Variants in KCNAB2 observed in about 807,000 individuals in gnomAD.
KCNAB2 encodes voltage-gated potassium channel subunit beta-2.
Under a neutral mutation model 63.6 loss-of-function variants are expected in KCNAB2, and 29 were observed. The ratio of observed to expected loss-of-function variants is 0.46; its 90% CI spans 0.34 to 0.62. KCNAB2 has a LOEUF of 0.62. Ranked by LOEUF, KCNAB2 falls within the 20% of genes least tolerant of loss-of-function variation. The pLI, the probability that KCNAB2 is intolerant of heterozygous loss-of-function variation, is 0.01. For missense variants in KCNAB2, 359 were observed against 563.9 expected, an observed-to-expected ratio of 0.64 and a Z score of 3.68; for synonymous variants, 222 against 224.2, an observed-to-expected ratio of 0.99 and a Z score of 0.09.
rs2100799799 is a variant in KCNAB2, at chr1:6,097,345, T to C, written c.1146T>C (p.Ile382=). The C allele has an allele frequency of 6.4e-7, 1 of 1,552,252 alleles. No individual in the cohort carries two copies. The change falls in exon 15 of 16, where the codon ATT becomes ATC. Residue 382 remains isoleucine, a synonymous_variant. Transcript: ENST00000378083. ...ASNADQLMEN[I]GAIQVLPKLS... is the part of the protein sequence containing the mutation. Reference sequence around the variant, plus strand: ...ATGCGGACCAGCTCATGGAGAACATTGGGGCAATACAGGTAAGAGTGAGAG... The same window carrying C: ...ATGCGGACCAGCTCATGGAGAACATCGGGGCAATACAGGTAAGAGTGAGAG...
intron 6 of KCNAB2, 103 bp downstream of exon 6, chr1:6,085,351 G>A: frequency 1.1e-6 from 1 of 944,886 alleles, no homozygotes; most frequent in Non-Finnish European, 1.7e-6. Flanking sequence ...AGGCCCGCAA[G>A]TCCCCACATC....
At chr1:6,040,177 A>C (rs531155912) in intron 1 of KCNAB2, among the ~76,000 whole-genome samples, 95 of 152,348 alleles carry the variant, frequency 6.2e-4, no homozygotes, top group African/African-American at 2.2e-3. Context: ...CTTCTGCACC[A>C]TGTGGGCAGC....
chr1:5,993,503 C>T (rs924041399), intron 1 of KCNAB2, among the ~76,000 whole-genome samples: 2 of 152,196 alleles, frequency 1.3e-5, no homozygotes, highest in Admixed American at 6.5e-5. Flanking sequence ...AAAGCACTTC[C>T]GCACCTCCCT....
At chr1:6,041,564 CAG>C (rs1660500288), upstream of KCNAB2, 2 of 512,380 alleles carry the variant, frequency 3.9e-6, no homozygotes, top group Non-Finnish European at 7.0e-6. Context: ...CCACGGAAAA[CAG>C]GGCCTGGCAT....
At chr1:6,001,338 AACAC>A (rs1471752208) in intron 1 of KCNAB2, among the ~76,000 whole-genome samples, 1 of 149,730 alleles carries the variant, frequency 6.7e-6, no homozygotes, top group African/African-American at 2.5e-5. Context: ...ACACTCTCCC[AACAC>A]ACACACAGAC....
intron 2 of KCNAB2, among the ~76,000 whole-genome samples, chr1:6,064,059 G>A (rs1662543367): frequency 6.6e-6 from 1 of 152,228 alleles, no homozygotes; most frequent in African/African-American, 2.4e-5. Context: ...GGGATCCGAT[G>A]TTGCCAGCCT....
rs1660893272 is a variant in KCNAB2, at chr1:6,046,058, C to T, written c.-152C>T. On this transcript the variant is annotated 5_prime_UTR_variant, in exon 1 of 16. Coordinates refer to ENST00000378083, the MANE Select transcript of KCNAB2 (RefSeq NM_001199862.2). ...TGGGACTCATCTCATTCACCAATTG[C>T]TTCTGACGTCCTGCAGTGACACTCC... 1.0e-6 allele frequency: 1 copy of T among 985,460 alleles called. No individual in the cohort carries two copies. The highest frequency in any genetic ancestry group is 1.2e-6 in the Non-Finnish European group (1 of 829,922). 61.0% of individuals were successfully genotyped at this position (985,460 alleles called of 1,614,324 possible).
At chr1:6,010,741 A>G (rs1167234475) in intron 1 of KCNAB2, among the ~76,000 whole-genome samples, 3 of 152,188 alleles carry the variant, frequency 2.0e-5, no homozygotes, top group African/African-American at 7.2e-5. Context: ...CCCTTAGCTG[A>G]TGGGCAGGCT....
At chr1:6,097,699 G>A (rs570590624) in intron 15 of KCNAB2, 1 of 556,468 alleles carries the variant, frequency 1.8e-6, no homozygotes, top group Admixed American at 3.1e-5. Context: ...TGGTGCTTGA[G>A]CAGTCTTGAG....
intron 4 of KCNAB2, among the ~76,000 whole-genome samples, chr1:6,079,152 A>G (rs373715693): frequency 6.6e-6 from 1 of 152,186 alleles, no homozygotes; most frequent in Non-Finnish European, 1.5e-5. Context: ...ATGCTGCCGC[A>G]GGCTGCCCTC....
At chr1:6,068,334 G>A (rs1421930807) in intron 2 of KCNAB2, among the ~76,000 whole-genome samples, 1 of 152,228 alleles carries the variant, frequency 6.6e-6, no homozygotes, top group East Asian at 1.9e-4. Flanking sequence ...CAGTGAAGGG[G>A]GGTGTTCATC....
At chr1:6,097,217 A>C (rs1232945206) in intron 14 of KCNAB2, 52 bp from the exon 15 acceptor site, 2 of 1,497,098 alleles carry the variant, frequency 1.3e-6, no homozygotes, top group African/African-American at 1.4e-5. Context: ...CAGACCCATC[A>C]GGGGCCCCTG....
chr1:6,049,503 C>T (rs1333811187), intron 1 of KCNAB2, among the ~76,000 whole-genome samples: 2 of 152,186 alleles, frequency 1.3e-5, no homozygotes, highest in East Asian at 3.9e-4. Flanking sequence ...AAACGCAGCC[C>T]CCCCACCCCC....
Position 6,028,759 on chromosome 1 carries a change from C to T in KCNAB2, c.-52-11758C>T, listed in dbSNP as rs1454456795. 2.0e-5 allele frequency among the ~76,000 whole-genome samples: 3 copies of T among 152,206 alleles called. No homozygotes were observed. Among genetic ancestry groups the T allele is most frequent in the Non-Finnish European group, 4.4e-5 (3 of 68,012 alleles). On this transcript the variant is annotated intron_variant, in intron 1 of 16. Coordinates refer to the KCNAB2 transcript ENST00000341524. The surrounding 1 kb of genome is among the most constrained non-coding windows in gnomAD (Gnocchi z 4.0). ...ACCTCCAGGATGGCCTCCAGGGACC[C>T]CGCCTCCTGGTGGCCACTGTCCCCA...
chr1:6,032,243 C>T (rs1473107897), upstream of KCNAB2, among the ~76,000 whole-genome samples: 1 of 152,102 alleles, frequency 6.6e-6, no homozygotes, highest in African/African-American at 2.4e-5. Context: ...ATTCACACAG[C>T]CTTCAAGAAC....
chr1:6,075,738 A>C (rs1392857695), intron 4 of KCNAB2, among the ~76,000 whole-genome samples: 1 of 152,210 alleles, frequency 6.6e-6, no homozygotes, highest in African/African-American at 2.4e-5. Flanking sequence ...TACATATATG[A>C]AACATAAAAT....
intron 10 of KCNAB2, among the ~76,000 whole-genome samples, chr1:6,094,130 T>C (rs1273763560): frequency 6.6e-6 from 1 of 152,150 alleles, no homozygotes; most frequent in Non-Finnish European, 1.5e-5. Flanking sequence ...GGTCCATCCA[T>C]AACCCATTTT....
chr1:6,010,945 T>C (rs1658111547), intron 1 of KCNAB2, among the ~76,000 whole-genome samples: 2 of 152,180 alleles, frequency 1.3e-5, no homozygotes, highest in Admixed American at 6.5e-5. Context: ...AGCTCTTTCC[T>C]CCTTAGAATT....
At position 6,086,240 on chromosome 1, in the gene KCNAB2, C is replaced by T. The variant is rs1664684734; in HGVS notation, c.425+992C>T. The T allele has an allele frequency of 2.0e-6, 2 of 984,016 alleles. No homozygotes were observed. Among genetic ancestry groups the T allele is most frequent in the Non-Finnish European group, 2.4e-6 (2 of 828,840 alleles). The allele number at this position is 984,016 out of a possible 1,614,324, so 61.0% of individuals were successfully genotyped here. A position where few individuals can be genotyped will look rare whatever the true frequency, so the allele number is the denominator to read the frequency against. Reference sequence around the variant, plus strand: ...CTCAGAATCCCAGTGCCAAGGGGAGCCCCCGCCCCCTCCCCCATGGATTCC... The same window carrying T: ...CTCAGAATCCCAGTGCCAAGGGGAGTCCCCGCCCCCTCCCCCATGGATTCC... On this transcript the variant is annotated intron_variant, in intron 6 of 15. Transcript: ENST00000378083. The surrounding 1 kb of genome is among the most constrained non-coding windows in gnomAD (Gnocchi z 4.2).
Sources: allele counts gnomAD v4.1 joint callset (sites outside exome capture counted in the v4.1 genomes callset), GRCh38; gene constraint gnomAD v4.1.1; non-coding constraint Gnocchi (gnomAD v3.1); transcripts MANE v1.5; gene names NCBI Gene and HGNC (gene_info 2026-07-23, HGNC 2026-07-21).